Variants in SGCD observed in about 807,000 individuals in gnomAD.
The protein encoded by SGCD is delta-sarcoglycan.
Under a neutral mutation model 36.6 loss-of-function variants are expected in SGCD, and 18 were observed. The observed-to-expected ratio is 0.49, with a 90% CI of 0.34 to 0.73. The LOEUF (loss-of-function observed/expected upper bound fraction) is 0.73. Ranked by LOEUF, SGCD falls within the 30% of genes least tolerant of loss-of-function variation. The probability of loss-of-function intolerance (pLI) is 0.01; values close to 1 mark genes in which losing one functional copy is unlikely to be tolerated. For missense variants in SGCD, 387 were observed against 346.7 expected (o/e 1.12, Z -0.92); for synonymous variants, 133 against 130.6 (o/e 1.02, Z -0.12).
chr5:155,991,072 T>C (rs1204517611), intron 1 of SGCD, among the ~76,000 whole-genome samples: 2 of 152,208 alleles, frequency 1.3e-5, no homozygotes, highest in Non-Finnish European at 2.9e-5. Flanking sequence ...TGAAGGATGC[T>C]GCTTGCCGTT....
At chr5:156,396,228 A>G (rs1429570473) in intron 3 of SGCD, among the ~76,000 whole-genome samples, 2 of 152,232 alleles carry the variant, frequency 1.3e-5, no homozygotes, top group Non-Finnish European at 2.9e-5. Context: ...CATGTCATTC[A>G]GTCATGTCTG....
rs1561533618 is a variant in SGCD, at chr5:156,133,957, ACACAG to A, written c.-44+9939_-44+9943del. Among the ~76,000 whole-genome samples the A allele has an allele frequency of 5.6e-4, 77 of 138,384 alleles. 1 individual carries two copies. Among genetic ancestry groups the A allele is most frequent in the African/African-American group, 1.9e-3 (73 of 38,236 alleles). 90.8% of individuals were successfully genotyped at this position (138,384 alleles called of 152,430 possible). A position where few individuals can be genotyped will look rare whatever the true frequency, so the allele number is the denominator to read the frequency against. ...CACACACACACACACACACACACAC[ACACAG>A]TTTCTCTCTGTCTCTCTCCAACACA... On this transcript the variant is annotated intron_variant, in intron 3 of 9. Transcript: ENST00000517913.
intron 4 of SGCD, among the ~76,000 whole-genome samples, chr5:156,561,669 TG>T (rs1561779552): frequency 6.6e-6 from 1 of 152,176 alleles, no homozygotes; most frequent in African/African-American, 2.4e-5. Flanking sequence ...AGTGTCTGAG[TG>T]GGTTACTCAG....
At chr5:156,149,889 G>T (rs571175070) in intron 3 of SGCD, among the ~76,000 whole-genome samples, 21 of 152,180 alleles carry the variant, frequency 1.4e-4, no homozygotes, top group Non-Finnish European at 2.2e-4. Context: ...AAATGTACTG[G>T]CAGGCTTCAT....
intron 1 of SGCD, among the ~76,000 whole-genome samples, chr5:155,980,518 G>T (rs1334018568): frequency 1.5e-5 from 2 of 135,330 alleles, no homozygotes; most frequent in Non-Finnish European, 3.1e-5. Flanking sequence ...AACCCGAGAG[G>T]CAGAGCTTGC....
rs190345417 is a variant in SGCD at position 156,557,321 on chromosome 5, T to G, written c.295-31910T>G. On this transcript the variant is annotated intron_variant, in intron 4 of 8. Transcript: ENST00000337851. Reference sequence around the variant, plus strand: ...AGGTGTTAATCATAATTAGGCAAGTTGCATGCTGGGATCAGAAAATGATTT... The same window carrying G: ...AGGTGTTAATCATAATTAGGCAAGTGGCATGCTGGGATCAGAAAATGATTT... 4.5e-3 allele frequency among the ~76,000 whole-genome samples: 689 copies of G among 152,280 alleles called. 4 individuals carry two copies. Among genetic ancestry groups the G allele is most frequent in the African/African-American group, 0.014 (575 of 41,580 alleles).
At position 156,056,654 on chromosome 5, in the gene SGCD, A is replaced by AAAAAAAAAAAAAAAAC. The variant is rs1209421786; in HGVS notation, c.-281-61213_-281-61212insAAAACAAAAAAAAAAA. Among the ~76,000 whole-genome samples, 131 of 137,872 alleles carry AAAAAAAAAAAAAAAAC rather than the reference A, an allele frequency of 9.5e-4. 6 individuals are homozygous for AAAAAAAAAAAAAAAAC. The highest frequency in any genetic ancestry group is 3.4e-3 in the African/African-American group (121 of 35,722). 90.4% of individuals were successfully genotyped at this position (137,872 alleles called of 152,430 possible). On this transcript the variant is annotated intron_variant, in intron 1 of 9. Transcript: ENST00000517913. ...CCTGCCAAATTATCCTTAAAAAAAA[A>AAAAAAAAAAAAAAAAC]AAAAAAAAAAACAGTCTCCAAATTT...
At chr5:155,882,468 C>A (rs1482804871) in intron 1 of SGCD, among the ~76,000 whole-genome samples, 1 of 152,154 alleles carries the variant, frequency 6.6e-6, no homozygotes, top group Admixed American at 6.5e-5. Context: ...GAATCACTAT[C>A]CATGGCAGCT....
At chr5:156,349,741 G>T (rs914390258) in intron 3 of SGCD, among the ~76,000 whole-genome samples, 2 of 151,850 alleles carry the variant, frequency 1.3e-5, no homozygotes, top group Non-Finnish European at 2.9e-5. Context: ...CTCACTGCTG[G>T]GTAACTACCC....
intron 1 of SGCD, among the ~76,000 whole-genome samples, chr5:155,957,265 C>T (rs745563361): frequency 1.3e-5 from 2 of 152,060 alleles, no homozygotes; most frequent in African/African-American, 2.4e-5. Context: ...AGTGCTGAGG[C>T]TGCTGGGAGC....
upstream of SGCD, among the ~76,000 whole-genome samples, chr5:155,868,834 G>A (rs552431673): frequency 6.6e-6 from 1 of 152,206 alleles, no homozygotes; most frequent in Admixed American, 6.5e-5. Flanking sequence ...AGCAGGTCAG[G>A]GAAAATAGGA....
At chr5:156,580,878 C>A (rs191254312) in intron 4 of SGCD, among the ~76,000 whole-genome samples, 1 of 152,088 alleles carries the variant, frequency 6.6e-6, no homozygotes, top group Non-Finnish European at 1.5e-5. Flanking sequence ...TTTGTTATTA[C>A]CAACCTTCTG....
intron 1 of SGCD, among the ~76,000 whole-genome samples, chr5:156,082,311 A>G (rs971177771): frequency 3.3e-5 from 5 of 151,646 alleles, no homozygotes; most frequent in Non-Finnish European, 7.4e-5. Flanking sequence ...GGGAAGTCAG[A>G]GAAACCTTGA....
chr5:156,368,225 G>C (rs943942691), intron 3 of SGCD, among the ~76,000 whole-genome samples: 3 of 151,848 alleles, frequency 2.0e-5, no homozygotes, highest in African/African-American at 7.3e-5. Context: ...TGAGTAGCTG[G>C]GATTACAGGC....
chr5:155,768,799 A>G, the SGCD span, among the ~76,000 whole-genome samples: 2 of 152,086 alleles, frequency 1.3e-5, no homozygotes, highest in Non-Finnish European at 2.9e-5. Flanking sequence ...TTGTCCTTTT[A>G]TAAAGAGAGG....
intron 3 of SGCD, among the ~76,000 whole-genome samples, chr5:156,157,811 G>C (rs1365363456): frequency 6.6e-6 from 1 of 151,654 alleles, no homozygotes; most frequent in Non-Finnish European, 1.5e-5. Context: ...ACTTATCATT[G>C]TTAGGAAATA....
intron 3 of SGCD, among the ~76,000 whole-genome samples, chr5:156,157,361 A>C (rs1412135641): frequency 1.3e-5 from 2 of 151,742 alleles, no homozygotes; most frequent in African/African-American, 2.4e-5. Context: ...AATGCACCGT[A>C]GAAAGTGTAG....
intron 4 of SGCD, among the ~76,000 whole-genome samples, chr5:156,532,900 G>C (rs1296163772): frequency 6.6e-6 from 1 of 152,208 alleles, no homozygotes; most frequent in African/African-American, 2.4e-5. Context: ...CCTTATGAAG[G>C]CTCTATCACT....
chr5:156,240,396 AG>A (rs1765277292), intron 3 of SGCD, among the ~76,000 whole-genome samples: 1 of 152,180 alleles, frequency 6.6e-6, no homozygotes, highest in African/African-American at 2.4e-5. Context: ...CTAACAAAAT[AG>A]AAAAGATCAT....
Sources: gnomAD v4.1 joint callset for allele counts (sites outside exome capture counted in the v4.1 genomes callset) on GRCh38, gnomAD v4.1.1 for gene constraint, MANE v1.5 for transcripts, NCBI Gene and HGNC (gene_info 2026-07-23, HGNC 2026-07-21) for gene names.